PDE4D: variants seen among roughly 807,000 people sequenced by gnomAD.
PDE4D encodes phosphodiesterase 4D.
Under a neutral mutation model 87.4 loss-of-function variants are expected in PDE4D, and 24 were observed. The ratio of observed to expected loss-of-function variants is 0.27; its 90% CI spans 0.20 to 0.39. The LOEUF (loss-of-function observed/expected upper bound fraction) is 0.39. Among genes scored for constraint, PDE4D ranks in the 10% least tolerant of loss-of-function variants. The pLI, the probability that PDE4D is intolerant of heterozygous loss-of-function variation, is 1.00. For synonymous variants in PDE4D, 384 were observed against 383.2 expected (o/e 1.00, Z -0.02); for missense variants, 714 against 1,041.0 (o/e 0.69, Z 4.32).
chr5:59,574,121 TATATATTTATATATATATATATAA>T (rs1822622345), intron 1 of PDE4D, among the ~76,000 whole-genome samples: 1 of 3,802 alleles, frequency 2.6e-4, no homozygotes, highest in African/African-American at 5.1e-4. Flanking sequence ...TATATATAAA[TATATATTTATATATATATATATAA>T]ATATATATTT....
intron 1 of PDE4D, among the ~76,000 whole-genome samples, chr5:59,719,775 G>A (rs1398045010): frequency 6.6e-6 from 1 of 152,170 alleles, no homozygotes; most frequent in Non-Finnish European, 1.5e-5. Flanking sequence ...ACATTTCAGT[G>A]TTAAGAGATA....
At chr5:60,474,745 A>G (rs1748177566) in intron 1 of PDE4D, among the ~76,000 whole-genome samples, 1 of 152,178 alleles carries the variant, frequency 6.6e-6, no homozygotes, top group South Asian at 2.1e-4. Context: ...AAGGAAAGGC[A>G]GAGAGGAGAG....
At chr5:59,479,233 C>T (rs1294892778) in intron 1 of PDE4D, among the ~76,000 whole-genome samples, 1 of 151,940 alleles carries the variant, frequency 6.6e-6, no homozygotes, top group African/African-American at 2.4e-5. Context: ...CTAGAGTTTC[C>T]AGGACTTTTG....
intron 6 of PDE4D, among the ~76,000 whole-genome samples, chr5:59,014,800 A>G (rs1039182079): frequency 1.2e-4 from 18 of 152,222 alleles, no homozygotes; most frequent in Middle Eastern, 3.2e-3. Flanking sequence ...ACCAAAAAAG[A>G]GCCCGCATTG....
intron 1 of PDE4D, among the ~76,000 whole-genome samples, chr5:59,481,619 C>T (rs1390674511): frequency 6.6e-6 from 1 of 151,978 alleles, no homozygotes; most frequent in African/African-American, 2.4e-5. Flanking sequence ...TTTAAAATCC[C>T]GGAACCTGCC....
At chr5:60,464,159 T>C (rs1747171927) in intron 1 of PDE4D, among the ~76,000 whole-genome samples, 1 of 152,282 alleles carries the variant, frequency 6.6e-6, no homozygotes, top group African/African-American at 2.4e-5. Context: ...ATGTAATTTT[T>C]CTGTTTGTGA....
intron 1 of PDE4D, among the ~76,000 whole-genome samples, chr5:59,389,227 A>T (rs1428670604): frequency 1.3e-5 from 2 of 152,032 alleles, no homozygotes; most frequent in Non-Finnish European, 2.9e-5. Flanking sequence ...TTTCATTAAC[A>T]GTTTTATAAG....
At chr5:60,254,165 A>G (rs576087140) in intron 1 of PDE4D, among the ~76,000 whole-genome samples, 1 of 152,002 alleles carries the variant, frequency 6.6e-6, no homozygotes, top group Non-Finnish European at 1.5e-5. Flanking sequence ...GTGGGAGACT[A>G]CTTATGATCC....
chr5:59,684,077 C>A (rs1382508472), intron 1 of PDE4D, among the ~76,000 whole-genome samples: 2 of 152,200 alleles, frequency 1.3e-5, no homozygotes, highest in Non-Finnish European at 2.9e-5. Context: ...CTTCATATAA[C>A]CATGAACTTG....
intron 1 of PDE4D, among the ~76,000 whole-genome samples, chr5:59,457,168 A>G (rs1316037084): frequency 6.6e-6 from 1 of 152,190 alleles, no homozygotes; most frequent in Admixed American, 6.5e-5. Flanking sequence ...AGAAAAGTCA[A>G]TAAATGTGGT....
chr5:59,252,377 G>A (rs986949739), intron 1 of PDE4D, among the ~76,000 whole-genome samples: 2 of 152,106 alleles, frequency 1.3e-5, no homozygotes, highest in Admixed American at 6.6e-5. Context: ...TTGGAGCACT[G>A]GCTCTGCAAC....
At chr5:60,114,953 G>GATGA (rs1198366888) in intron 2 of PDE4D, among the ~76,000 whole-genome samples, 3 of 102,920 alleles carry the variant, frequency 2.9e-5, no homozygotes, top group Non-Finnish European at 6.8e-5. Context: ...TGGATGGATG[G>GATGA]ATGGATGGAT....
At chr5:60,438,440 A>C (rs559781038) in intron 1 of PDE4D, among the ~76,000 whole-genome samples, 1 of 152,130 alleles carries the variant, frequency 6.6e-6, no homozygotes, top group South Asian at 2.1e-4. Context: ...TATTTTTTGT[A>C]TGCTTCCCCC....
At chr5:60,227,191 A>G (rs1002553518) in intron 1 of PDE4D, among the ~76,000 whole-genome samples, 6 of 152,150 alleles carry the variant, frequency 3.9e-5, no homozygotes, top group African/African-American at 9.6e-5. Flanking sequence ...CAGAATTTAA[A>G]TGGGACAGTC....
chr5:59,503,088 G>T (rs1393688432), intron 1 of PDE4D, among the ~76,000 whole-genome samples: 1 of 152,066 alleles, frequency 6.6e-6, no homozygotes, highest in Admixed American at 6.6e-5. Context: ...AAGAGGGCTT[G>T]CTGTGGAAGA....
At chr5:59,043,145 G>C (rs2153397637) in intron 5 of PDE4D, among the ~76,000 whole-genome samples, 1 of 152,230 alleles carries the variant, frequency 6.6e-6, no homozygotes, top group East Asian at 1.9e-4. Context: ...AGACCTATTG[G>C]TATACATGAA....
At chr5:59,841,884 G>A (rs1743062759) in intron 1 of PDE4D, among the ~76,000 whole-genome samples, 1 of 152,066 alleles carries the variant, frequency 6.6e-6, no homozygotes, top group Non-Finnish European at 1.5e-5. Context: ...TGGCAAGACT[G>A]AAACTCCGTG....
intron 2 of PDE4D, among the ~76,000 whole-genome samples, chr5:60,086,976 C>T (rs556038516): frequency 1.3e-5 from 2 of 152,158 alleles, no homozygotes; most frequent in African/African-American, 2.4e-5. Context: ...TTTATAAATC[C>T]CAGGTGGAGC....
intron 6 of PDE4D, among the ~76,000 whole-genome samples, chr5:59,036,211 T>C (rs1279131173): frequency 6.6e-6 from 1 of 152,228 alleles, no homozygotes; most frequent in East Asian, 1.9e-4. Context: ...AAGTATTCTC[T>C]ATCACCATTT....
Sources: gnomAD v4.1 joint callset for allele counts (sites outside exome capture counted in the v4.1 genomes callset) on GRCh38, gnomAD v4.1.1 for gene constraint, MANE v1.5 for transcripts, NCBI Gene and HGNC (gene_info 2026-07-23, HGNC 2026-07-21) for gene names.